The following MCM6 variants were observed in gnomAD, a reference collection of about 807,000 sequenced individuals.
MCM6 encodes DNA replication licensing factor MCM6.
Under a neutral mutation model 94.3 loss-of-function variants are expected in MCM6, and 46 were observed. That is an observed-to-expected ratio of 0.49 (90% CI 0.39 to 0.62). The LOEUF is 0.62. MCM6 is among the 20% of genes least tolerant of loss of function. The pLI, the probability that MCM6 is intolerant of heterozygous loss-of-function variation, is 0.00. For missense variants in MCM6, 865 were observed against 1,017.9 expected (o/e 0.85, Z 2.04); for synonymous variants, 335 against 351.9 (o/e 0.95, Z 0.54).
intron 16 of MCM6, among the ~76,000 whole-genome samples, chr2:135,841,360 C>T (rs1020746442): frequency 1.4e-4 from 22 of 151,984 alleles, no homozygotes; most frequent in African/African-American, 4.6e-4. Context: ...TTTCATATAC[C>T]ACCATTTCAT....
chr2:135,872,610 A>G, intron 2 of MCM6, 87 bp downstream of exon 2: 3 of 1,356,278 alleles, frequency 2.2e-6, no homozygotes, highest in Non-Finnish European at 1.0e-6. Flanking sequence ...ACCTTCTGCT[A>G]CACAAGTGAA....
At chr2:135,872,623 C>T in intron 2 of MCM6, 74 bp downstream of exon 2, 2 of 1,468,984 alleles carry the variant, frequency 1.4e-6, no homozygotes, top group African/African-American at 1.4e-5. Context: ...CAAGTGAACA[C>T]TTACAGTCCA....
chr2:135,876,403 G>C lies in MCM6; in HGVS notation c.-38C>G. On this transcript the variant is annotated 5_prime_UTR_variant, in exon 1 of 17. Transcript: ENST00000264156. ...CCGAGGATTCGCCTGCGCCACGCTC[G>C]ACCGCCACAAGTCGCTTTTTTCCAG... 6.6e-7 allele frequency: 1 copy of C among 1,524,052 alleles called. No homozygotes were observed. Among genetic ancestry groups the C allele is most frequent in the Non-Finnish European group, 8.8e-7 (1 of 1,130,248 alleles). 94.4% of individuals were successfully genotyped at this position (1,524,052 alleles called of 1,614,324 possible).
chr2:135,866,178 T>TA lies in MCM6; in HGVS notation c.880dup (p.Tyr294LeufsTer2). On this transcript the variant is annotated frameshift_variant, in exon 6 of 17. Coordinates refer to ENST00000264156, the MANE Select transcript of MCM6 (RefSeq NM_005915.6). LOFTEE classifies it high-confidence loss of function. ...ACAGCAGGCAAGAAAGACCAGCCTA[T>TA]AAGAAAGGTCCCTAACACCAAGGGC... is the stretch of plus-strand genomic sequence containing the variant. The TA allele has an allele frequency of 6.2e-7, 1 of 1,614,126 alleles. No individual in the cohort carries two copies. The highest frequency in any genetic ancestry group is 8.5e-7 in the Non-Finnish European group (1 of 1,180,016).
Position 135,866,128 on chromosome 2 carries a change from T to C in MCM6, c.927+4A>G, listed in dbSNP as rs369747677. ...AACAAACAAAAACCCCCAAAACGAC[T>C]GACCCTTGGGTTGGTTGGCGCAACA... On this transcript the variant is annotated splice_donor_region_variant and intron_variant, in intron 6 of 16. Transcript: ENST00000264156. 9.9e-6 allele frequency: 16 copies of C among 1,613,294 alleles called. No homozygotes were observed. The highest frequency in any genetic ancestry group is 1.4e-5 in the Non-Finnish European group (16 of 1,179,866).
intron 13 of MCM6, 126 bp from the exon 14 acceptor site, chr2:135,848,314 C>T (rs1679708586): frequency 1.7e-6 from 1 of 598,890 alleles, no homozygotes; most frequent in South Asian, 2.3e-5. Flanking sequence ...CACAGTGTTG[C>T]TTTGGTTTTC....
Position 135,840,073 on chromosome 2 carries a change from A to C in MCM6, c.*762T>G, listed in dbSNP as rs750757121. 4 of 152,172 alleles carry C rather than the reference A, an allele frequency of 2.6e-5. No homozygotes were observed. Among genetic ancestry groups the C allele is most frequent in the African/African-American group, 9.7e-5 (4 of 41,436 alleles). 9.4% of individuals were successfully genotyped at this position (152,172 alleles called of 1,614,324 possible). A position where few individuals can be genotyped will look rare whatever the true frequency, so the allele number is the denominator to read the frequency against. On this transcript the variant is annotated 3_prime_UTR_variant, in exon 17 of 17. Transcript: ENST00000264156. ...AATAACTTTTCCTGGAAGACCATAA[A>C]ATTTGGGGATTGCTTGTAATATAGC...
At chr2:135,869,536 A>C (rs974791040) in intron 3 of MCM6, among the ~76,000 whole-genome samples, 2 of 152,034 alleles carry the variant, frequency 1.3e-5, no homozygotes, top group African/African-American at 4.8e-5. Context: ...TTTTGTACTC[A>C]AAGTTCAGAA....
At chr2:135,867,455 A>C (rs1467603192) in intron 4 of MCM6, among the ~76,000 whole-genome samples, 1 of 152,200 alleles carries the variant, frequency 6.6e-6, no homozygotes, top group Non-Finnish European at 1.5e-5. Context: ...AAATATGTGC[A>C]TCTTATAAGC....
rs1679553913 is a variant in MCM6, at chr2:135,840,793, T to C, written c.*42A>G. ...AGCCAGGCTCCAGGCCACGAGGTGC[T>C]GTGCCACAGTTCCTCAGCTCTGGTC... On this transcript the variant is annotated 3_prime_UTR_variant, in exon 17 of 17. Transcript: ENST00000264156. 2 of 1,382,990 alleles carry C rather than the reference T, an allele frequency of 1.4e-6. No homozygotes were observed. Among genetic ancestry groups the C allele is most frequent in the Non-Finnish European group, 2.1e-6 (2 of 970,066 alleles). The allele number at this position is 1,382,990 out of a possible 1,614,324, so 85.7% of individuals were successfully genotyped here.
rs56348046 is a variant in MCM6 at position 135,850,769 on chromosome 2, G to A, written c.1917+633C>T. On this transcript the variant is annotated intron_variant, in intron 13 of 16. Transcript: ENST00000264156. The stretch of plus-strand genomic sequence containing the variant: ...GAGCTGGGTATTCACAAGGATGTAT[G>A]TGAAAAAACTCACCATGCCATACAT... Among the ~76,000 whole-genome samples the A allele has an allele frequency of 5.5e-3, 844 of 152,198 alleles. 7 individuals carry two copies. Among genetic ancestry groups the A allele is most frequent in the African/African-American group, 0.019 (784 of 41,530 alleles).
At chr2:135,873,673 C>T (rs79645255) in intron 1 of MCM6, among the ~76,000 whole-genome samples, 1 of 46,130 alleles carries the variant, frequency 2.2e-5, no homozygotes, top group African/African-American at 3.9e-5. Flanking sequence ...AACAGAGGTA[C>T]CTGAGGCTGA....
At chr2:135,844,259 G>A (rs142578428) in intron 16 of MCM6, among the ~76,000 whole-genome samples, 82 of 152,220 alleles carry the variant, frequency 5.4e-4, no homozygotes, top group Middle Eastern at 6.8e-3. Context: ...ACAGCAGTAC[G>A]ACCAAGGGCA....
At chr2:135,875,568 T>A (rs537072101) in intron 1 of MCM6, among the ~76,000 whole-genome samples, 1 of 151,666 alleles carries the variant, frequency 6.6e-6, no homozygotes, top group African/African-American at 2.4e-5. Context: ...CCAGGAAAAA[T>A]AACCGGTGGG....
intron 14 of MCM6, among the ~76,000 whole-genome samples, chr2:135,847,595 G>A (rs1397419496): frequency 1.3e-5 from 2 of 152,056 alleles, no homozygotes; most frequent in African/African-American, 2.4e-5. Context: ...ACAGAGTCTC[G>A]CTCTGTCACC....
chr2:135,841,492 A>G (rs1036492743), intron 16 of MCM6, among the ~76,000 whole-genome samples: 3 of 152,180 alleles, frequency 2.0e-5, no homozygotes, highest in Non-Finnish European at 4.4e-5. Context: ...AGCCCACGAT[A>G]TAATTACAGG....
intron 7 of MCM6, among the ~76,000 whole-genome samples, chr2:135,863,305 CT>C (rs2105586769): frequency 6.6e-6 from 1 of 152,300 alleles, no homozygotes; most frequent in African/African-American, 2.4e-5. Flanking sequence ...AAACAATTTT[CT>C]TAAAAAAGAA....
At chr2:135,862,051 T>C (rs1022124196) in intron 8 of MCM6, among the ~76,000 whole-genome samples, 10 of 152,134 alleles carry the variant, frequency 6.6e-5, no homozygotes, top group Non-Finnish European at 2.9e-5. Context: ...TATCGGTAAT[T>C]ATTATAATAA....
intron 2 of MCM6, among the ~76,000 whole-genome samples, chr2:135,872,036 C>G (rs1249976643): frequency 6.6e-6 from 1 of 152,200 alleles, no homozygotes; most frequent in East Asian, 1.9e-4. Flanking sequence ...ACACAAACAC[C>G]TATTCCTGTG....
Sources: allele counts gnomAD v4.1 joint callset (sites outside exome capture counted in the v4.1 genomes callset), GRCh38; gene constraint gnomAD v4.1.1; transcripts MANE v1.5; gene names NCBI Gene and HGNC (gene_info 2026-07-23, HGNC 2026-07-21).